The following CCDC171 variants were observed in gnomAD, a reference collection of about 807,000 sequenced individuals.
CCDC171 encodes the protein coiled-coil domain-containing protein 171.
Under a neutral mutation model 168.2 loss-of-function variants are expected in CCDC171, and 177 were observed. The observed-to-expected ratio is 1.05, with a 90% CI of 0.93 to 1.19. CCDC171 has a LOEUF of 1.19. Ranked by LOEUF, CCDC171 falls within the 50% of genes most tolerant of loss-of-function variation. The pLI, the probability that CCDC171 is intolerant of heterozygous loss-of-function variation, is 0.00. For synonymous variants in CCDC171, 687 were observed against 540.8 expected (o/e 1.27, Z -3.75); for missense variants, 1,991 against 1,539.0 (o/e 1.29, Z -4.91).
chr9:15,680,443 C>T (rs1564198676), intron 10 of CCDC171, among the ~76,000 whole-genome samples: 2 of 152,024 alleles, frequency 1.3e-5, no homozygotes, highest in Non-Finnish European at 2.9e-5. Flanking sequence ...AAAGGTGGAC[C>T]CTGGGTTATA....
At chr9:15,659,145 C>G (rs1293301219) in intron 8 of CCDC171, among the ~76,000 whole-genome samples, 11 of 152,110 alleles carry the variant, frequency 7.2e-5, no homozygotes, top group Non-Finnish European at 1.6e-4. Flanking sequence ...TATGGTCATG[C>G]AAAGTTACCT....
chr9:15,574,676 G>A (rs2040496672), intron 3 of CCDC171, among the ~76,000 whole-genome samples: 1 of 152,202 alleles, frequency 6.6e-6, no homozygotes, highest in African/African-American at 2.4e-5. Context: ...AGGAAGCAAG[G>A]CAGAGAGGAA....
At chr9:15,710,763 T>G (rs1368363584) in intron 11 of CCDC171, among the ~76,000 whole-genome samples, 1 of 152,028 alleles carries the variant, frequency 6.6e-6, no homozygotes, top group Non-Finnish European at 1.5e-5. Flanking sequence ...GTACAGCTAA[T>G]TTTTGTATTA....
intron 24 of CCDC171, among the ~76,000 whole-genome samples, chr9:15,891,294 T>C (rs946873625): frequency 1.3e-5 from 2 of 152,150 alleles, no homozygotes; most frequent in Non-Finnish European, 2.9e-5. Context: ...TTCAAGATAA[T>C]GGATTGAGCA....
At chr9:16,039,846 C>G (rs1365699000), upstream of CCDC171, among the ~76,000 whole-genome samples, 2 of 151,666 alleles carry the variant, frequency 1.3e-5, no homozygotes, top group Non-Finnish European at 2.9e-5. Context: ...TTCCTTGCTT[C>G]TGTGTGTGTG....
chr9:15,603,338 C>G (rs1279488958), intron 6 of CCDC171, among the ~76,000 whole-genome samples: 1 of 152,122 alleles, frequency 6.6e-6, no homozygotes, highest in Non-Finnish European at 1.5e-5. Context: ...TTTGCTGCTC[C>G]TGTCAACCCA....
Position 15,650,336 on chromosome 9 carries a change from C to T in CCDC171, c.823-6791C>T, listed in dbSNP as rs538828947. Among the ~76,000 whole-genome samples the T allele has an allele frequency of 4.6e-5, 7 of 152,030 alleles. No homozygotes were observed. The South Asian group carries it at 6.2e-4, about 14-fold the overall frequency. On this transcript the variant is annotated intron_variant, in intron 7 of 25. Transcript: ENST00000380701. ...ATGGGTGCAGCACACCAACATGGCA[C>T]GTGTATACATATGTAACAAACCTTC...
chr9:15,614,110 C>G lies in CCDC171; in HGVS notation c.676-9157C>G, dbSNP rs116412962. Among the ~76,000 whole-genome samples the G allele has an allele frequency of 1.3e-3, 205 of 152,342 alleles. 1 individual carries two copies. Among genetic ancestry groups the G allele is most frequent in the African/African-American group, 4.8e-3 (200 of 41,580 alleles). On this transcript the variant is annotated intron_variant, in intron 6 of 25. Coordinates refer to ENST00000380701, the MANE Select transcript of CCDC171 (RefSeq NM_173550.4). The stretch of plus-strand genomic sequence containing the variant: ...ACTCTGCCTTAGCCTTTGCTTCCTA[C>G]TTGCACAGAGCCTTAAGGTCAGCCA...
chr9:15,843,619 G>T (rs529516171), intron 21 of CCDC171, among the ~76,000 whole-genome samples: 4 of 152,100 alleles, frequency 2.6e-5, no homozygotes, highest in East Asian at 3.9e-4. Flanking sequence ...TTCATCAGGG[G>T]TTTAATTAGT....
At chr9:15,743,551 T>G (rs1486929013) in intron 16 of CCDC171, among the ~76,000 whole-genome samples, 1 of 152,200 alleles carries the variant, frequency 6.6e-6, no homozygotes, top group South Asian at 2.1e-4. Flanking sequence ...TATTTTCTAG[T>G]GATTAATTGT....
intron 24 of CCDC171, among the ~76,000 whole-genome samples, chr9:15,879,259 A>C (rs1234908081): frequency 6.6e-6 from 1 of 152,130 alleles, no homozygotes; most frequent in Non-Finnish European, 1.5e-5. Context: ...ACACCTATAT[A>C]TATTTAAACA....
chr9:16,074,482 C>T, the CCDC171 span, among the ~76,000 whole-genome samples: 3 of 152,270 alleles, frequency 2.0e-5, no homozygotes, highest in Admixed American at 2.0e-4. Context: ...TCCTGTGCCA[C>T]TGAGTACTAG....
At chr9:15,988,756 A>G (rs1014854929) in intron 3 of CCDC171, among the ~76,000 whole-genome samples, 2 of 152,190 alleles carry the variant, frequency 1.3e-5, no homozygotes, top group African/African-American at 4.8e-5. Flanking sequence ...CAATGGTCTT[A>G]GCAAACAGCA....
At chr9:15,577,122 T>C (rs2040732205) in intron 3 of CCDC171, among the ~76,000 whole-genome samples, 1 of 152,226 alleles carries the variant, frequency 6.6e-6, no homozygotes. Flanking sequence ...CTGGTGAAAC[T>C]CTTCATTGAA....
intron 18 of CCDC171, among the ~76,000 whole-genome samples, chr9:15,755,673 A>G (rs1395656356): frequency 2.0e-5 from 3 of 152,218 alleles, no homozygotes; most frequent in African/African-American, 7.2e-5. Context: ...TGAAGACATT[A>G]TGTAGTGAAA....
At position 15,568,491 on chromosome 9, in the gene CCDC171, C is replaced by G. The variant is rs907099811; in HGVS notation, c.42-3133C>G. ...TTCACCGTGTTAGCCAGGATGGTCT[C>G]GATCTCCTGACCTCGTGATCCACCC... On this transcript the variant is annotated intron_variant, in intron 2 of 25. Transcript: ENST00000380701. Among the ~76,000 whole-genome samples the G allele has an allele frequency of 2.6e-5, 4 of 152,242 alleles. No individual in the cohort carries two copies. The South Asian group carries it at 8.3e-4, about 32-fold the overall frequency.
Position 16,007,945 on chromosome 9 carries a change from T to C in CCDC171, n.369-12644T>C, listed in dbSNP as rs147745209. On this transcript the variant is annotated intron_variant and non_coding_transcript_variant, in intron 3 of 9. Transcript: ENST00000486641. ...AATTGGGTTATTTGCCTTTGTGTTA[T>C]TGAGCTGTAAGAATTCTTTATATAT... Among the ~76,000 whole-genome samples the C allele has an allele frequency of 1.1e-3, 166 of 152,328 alleles. 1 individual carries two copies. The East Asian group carries it at 0.013, about 12-fold the overall frequency.
chr9:15,675,704 A>G (rs576137465), intron 9 of CCDC171, among the ~76,000 whole-genome samples: 7 of 151,980 alleles, frequency 4.6e-5, no homozygotes, highest in Non-Finnish European at 1.0e-4. Flanking sequence ...ATTGGCCCTC[A>G]CTCTCTTCTG....
intron 6 of CCDC171, among the ~76,000 whole-genome samples, chr9:15,605,402 G>A (rs941620390): frequency 2.0e-5 from 3 of 151,450 alleles, no homozygotes; most frequent in South Asian, 2.1e-4. Flanking sequence ...TAATTTGGCC[G>A]GGCAGAGTGG....
Sources: allele counts gnomAD v4.1 joint callset (sites outside exome capture counted in the v4.1 genomes callset), GRCh38; gene constraint gnomAD v4.1.1; transcripts MANE v1.5; gene names NCBI Gene and HGNC (gene_info 2026-07-23, HGNC 2026-07-21).